VPS13C: variants seen among roughly 807,000 people sequenced by gnomAD.
VPS13C encodes the protein intermembrane lipid transfer protein VPS13C.
Under a neutral mutation model 456.8 loss-of-function variants are expected in VPS13C, and 358 were observed. That is an observed-to-expected ratio of 0.78 (90% CI 0.72 to 0.86). The LOEUF is 0.86. VPS13C is among the 40% of genes least tolerant of loss of function. VPS13C has a pLI of 0.00. For missense variants in VPS13C, 4,818 were observed against 4,385.4 expected (o/e 1.10, Z -2.79); for synonymous variants, 1,578 against 1,486.7 (o/e 1.06, Z -1.41).
intron 21 of VPS13C, among the ~76,000 whole-genome samples, chr15:61,981,726 G>T (rs567457175): frequency 2.0e-5 from 3 of 152,126 alleles, no homozygotes; most frequent in Admixed American, 2.0e-4. Flanking sequence ...AGCCAGGCGT[G>T]GTGGCGGGCG....
chr15:61,945,125 C>G (rs1287887057), intron 45 of VPS13C, among the ~76,000 whole-genome samples: 1 of 152,150 alleles, frequency 6.6e-6, no homozygotes, highest in African/African-American at 2.4e-5. Context: ...GTAAGACGTG[C>G]CTGCTTCCCC....
At chr15:61,916,756 T>G (rs755446716) in intron 60 of VPS13C, among the ~76,000 whole-genome samples, 1 of 152,164 alleles carries the variant, frequency 6.6e-6, no homozygotes, top group Non-Finnish European at 1.5e-5. Flanking sequence ...CTAGAAAATC[T>G]TTATTACTTC....
Position 61,854,948 on chromosome 15 carries a change from C to G in VPS13C, c.11083G>C (p.Gly3695Arg). ...NVLKISVKEQ[G>R]LFHKKDSANQ... ...GCACTGTCTTTTTTGTGGAACAGAC[C>G]CTGTTCCTGTTTCAAAAGAAACAAT... is the stretch of plus-strand genomic sequence containing the variant. The change falls in exon 84 of 85, where the codon GGT (glycine) becomes CGT (arginine). Residue 3695 changes from glycine to arginine, a missense_variant. Physicochemically the swap from Gly to Arg is moderately radical, Grantham distance 125 (BLOSUM62 -2). This residue lies in a region of VPS13C where 261 missense variants were observed against 234.1 expected (regional missense o/e 1.11). Coordinates refer to ENST00000644861, the MANE Select transcript of VPS13C (RefSeq NM_020821.3). The G allele has an allele frequency of 3.8e-6, 6 of 1,589,352 alleles. No individual in the cohort carries two copies. The South Asian group carries it at 7.0e-5, about 18-fold the overall frequency.
rs750355442 is a variant in VPS13C, at chr15:61,916,021, C to A, written c.8057G>T (p.Gly2686Val). The part of the protein sequence containing the change: ...LPYSLRYLLE[G>V]TAETHELAEG... ...TGCCAGCTCATGAGTTTCTGCTGTTCCCTAAAAACAAACAAAAATTCGCTG... is the reference window on the plus strand; with the variant it reads ...TGCCAGCTCATGAGTTTCTGCTGTTACCTAAAAACAAACAAAAATTCGCTG... Residue 2686 changes from glycine to valine, a missense_variant and splice_region_variant, in exon 61 of 85, where the codon GGA (glycine) becomes GTA (valine). Coordinates refer to ENST00000644861, the MANE Select transcript of VPS13C (RefSeq NM_020821.3). 1.1e-5 allele frequency: 17 copies of A among 1,542,210 alleles called. No individual in the cohort carries two copies. The highest frequency in any genetic ancestry group is 1.5e-5 in the Non-Finnish European group (17 of 1,145,080).
chr15:61,964,889 T>TGGAG, intron 30 of VPS13C, 28 bp from the exon 31 acceptor site: 1 of 1,587,722 alleles, frequency 6.3e-7, no homozygotes, highest in Non-Finnish European at 8.5e-7. Flanking sequence ...AGAAAATTAG[T>TGGAG]TTTCCACAGC....
chr15:61,880,948 A>G lies in VPS13C; in HGVS notation c.9783T>C (p.Phe3261=). ...AGGCCATTTCCTGAATGAGGACCAT[A>G]AAATACCTAAGAAAAAAAATTTAAA... ...EYSKVLQFKY[F]MVLIQEMALK... is the part of the protein sequence containing the mutation. The change falls in exon 72 of 85, where the codon TTT becomes TTC. Residue 3261 remains phenylalanine, a synonymous_variant. Coordinates refer to ENST00000644861, the MANE Select transcript of VPS13C (RefSeq NM_020821.3). The G allele has an allele frequency of 6.3e-7, 1 of 1,588,806 alleles. No homozygotes were observed.
At chr15:61,908,525 C>T (rs1004741327) in intron 65 of VPS13C, among the ~76,000 whole-genome samples, 1 of 152,060 alleles carries the variant, frequency 6.6e-6, no homozygotes, top group Non-Finnish European at 1.5e-5. Context: ...ATCTACTCAT[C>T]GTCTTCTCAT....
chr15:62,027,242 C>T (rs76873244), intron 6 of VPS13C, among the ~76,000 whole-genome samples: 1,987 of 151,896 alleles, frequency 0.013, 85 homozygotes, highest in Admixed American at 0.089. Context: ...CGTTAATATA[C>T]CTTTAAAAAA....
chr15:62,007,472 A>G lies in VPS13C; in HGVS notation c.1126T>C (p.Tyr376His), dbSNP rs373559813. The part of the protein sequence containing the change: ...LHTNGRRWWK[Y>H]AIDSVLEVHI... ...ACTTCAAGAACAGAATCAATTGCAT[A>G]TTTCCACCTGAAAATCAAATTTTGT... Residue 376 changes from tyrosine to histidine, a missense_variant, in exon 15 of 85, where the codon TAT becomes CAT. Physicochemically the swap from Tyr to His is moderately conservative, Grantham distance 83. This residue lies in a region of VPS13C where 4,552 missense variants were observed against 4,130.6 expected (regional missense o/e 1.10). Coordinates refer to ENST00000644861, the MANE Select transcript of VPS13C (RefSeq NM_020821.3). 58 of 1,571,102 alleles carry G rather than the reference A, an allele frequency of 3.7e-5. No individual in the cohort carries two copies. Among genetic ancestry groups the G allele is most frequent in the African/African-American group, 6.8e-5 (5 of 73,174 alleles).
intron 66 of VPS13C, among the ~76,000 whole-genome samples, chr15:61,904,542 G>A (rs748727085): frequency 6.6e-6 from 1 of 150,776 alleles, no homozygotes; most frequent in South Asian, 2.1e-4. Flanking sequence ...CTTGCACAGT[G>A]TTGATGGGAA....
At chr15:62,000,731 G>T in intron 15 of VPS13C, 105 bp from the exon 16 acceptor site, 1 of 812,668 alleles carries the variant, frequency 1.2e-6, no homozygotes, top group Non-Finnish European at 1.9e-6. Context: ...CAGTACCTGT[G>T]ACCTAATGAA....
chr15:62,013,239 A>G, intron 10 of VPS13C, 120 bp from the exon 11 acceptor site: 2 of 555,902 alleles, frequency 3.6e-6, no homozygotes, highest in Non-Finnish European at 5.9e-6. Context: ...TGAATTTTTA[A>G]AGGAAAGAAA....
At chr15:61,854,688 CA>C in intron 84 of VPS13C, 130 bp from the exon 85 acceptor site, 1 of 1,055,388 alleles carries the variant, frequency 9.5e-7, no homozygotes, top group Non-Finnish European at 1.4e-6. Context: ...GGATACAGTC[CA>C]GATGTGTCAT....
chr15:61,876,668 T>G (rs552183517), intron 75 of VPS13C, among the ~76,000 whole-genome samples: 29 of 151,962 alleles, frequency 1.9e-4, no homozygotes, highest in Non-Finnish European at 4.0e-4. Context: ...TTCACTAGAT[T>G]ATATTCAGAA....
chr15:61,964,598 T>C, intron 31 of VPS13C, 101 bp downstream of exon 31: 1 of 1,117,576 alleles, frequency 8.9e-7, no homozygotes, highest in Admixed American at 2.7e-5. Context: ...AAGGGGAAAA[T>C]GGTATTTAAA....
At chr15:61,942,217 A>G (rs910304922) in intron 45 of VPS13C, 150 bp from the exon 46 acceptor site, 2 of 598,284 alleles carry the variant, frequency 3.3e-6, no homozygotes, top group Non-Finnish European at 5.4e-6. Flanking sequence ...AAGTCTAGAA[A>G]CATACACTCT....
At position 61,934,306 on chromosome 15, in the gene VPS13C, C is replaced by T; in HGVS notation, c.5781G>A (p.Lys1927=). 2 of 1,583,116 alleles carry T rather than the reference C, an allele frequency of 1.3e-6. No homozygotes were observed. The highest frequency in any genetic ancestry group is 1.7e-6 in the Non-Finnish European group (2 of 1,163,270). ...GACTGACAATCTGGTTCATAGAGAG[C>T]TTTGAGTCTGTCCAATCTTCTTGTT... ...LKEQEDWTDS[K]LSMNQIVSLQ... is the part of the protein sequence containing the mutation. Residue 1927 remains lysine, a synonymous_variant, in exon 49 of 85, where the codon AAG becomes AAA. Coordinates refer to ENST00000644861, the MANE Select transcript of VPS13C (RefSeq NM_020821.3).
At chr15:62,060,123 G>A (rs988998286) in intron 1 of VPS13C, 152 bp downstream of exon 1, 9 of 402,456 alleles carry the variant, frequency 2.2e-5, no homozygotes, top group Non-Finnish European at 3.6e-5. Context: ...AGAATCCGCG[G>A]GCGGCAGAGG....
intron 1 of VPS13C, among the ~76,000 whole-genome samples, chr15:62,048,262 C>CT (rs1200143462): frequency 1.1e-5 from 1 of 90,622 alleles, no homozygotes; most frequent in Non-Finnish European, 2.4e-5. Context: ...CCCCACCCCC[C>CT]CCAACAGGCC....
Sources: allele counts gnomAD v4.1 joint callset (sites outside exome capture counted in the v4.1 genomes callset), GRCh38; gene constraint gnomAD v4.1.1; regional missense constraint gnomAD v4.1.1; transcripts MANE v1.5; gene names NCBI Gene and HGNC (gene_info 2026-07-23, HGNC 2026-07-21).